ERC2: variants seen among roughly 807,000 people sequenced by gnomAD.
ERC2 encodes the protein ELKS/RAB6-interacting/CAST family member 2.
A neutral mutation model predicts 114.8 loss-of-function variants in ERC2; 42 were observed. The ratio of observed to expected loss-of-function variants is 0.37; its 90% CI spans 0.29 to 0.47. The LOEUF is 0.47. Among genes scored for constraint, ERC2 ranks in the 20% least tolerant of loss-of-function variants. The pLI, the probability that ERC2 is intolerant of heterozygous loss-of-function variation, is 0.99. For synonymous variants in ERC2, 454 were observed against 425.5 expected (o/e 1.07, Z -0.82); for missense variants, 939 against 1,150.7 (o/e 0.82, Z 2.66).
chr3:55,829,417 T>C (rs904507761), intron 14 of ERC2, among the ~76,000 whole-genome samples: 10 of 152,140 alleles, frequency 6.6e-5, no homozygotes, highest in African/African-American at 1.4e-4. Context: ...GTCATGAAAC[T>C]TGAAGACAGA....
At chr3:55,649,260 T>A (rs2060515423) in intron 17 of ERC2, among the ~76,000 whole-genome samples, 1 of 7,892 alleles carries the variant, frequency 1.3e-4, no homozygotes, top group Non-Finnish European at 2.6e-4. Context: ...AACGCTGAAT[T>A]TTTTTTTTTT....
intron 17 of ERC2, among the ~76,000 whole-genome samples, chr3:55,528,846 C>A (rs1047041035): frequency 6.6e-6 from 1 of 152,106 alleles, no homozygotes; most frequent in Non-Finnish European, 1.5e-5. Context: ...AGTTTGATAA[C>A]GAAAAATGTC....
intron 2 of ERC2, among the ~76,000 whole-genome samples, chr3:56,378,626 C>G (rs1157391592): frequency 2.6e-5 from 4 of 151,394 alleles, no homozygotes; most frequent in Non-Finnish European, 4.4e-5. Context: ...AGATTGTGCT[C>G]TAGATTTATA....
At chr3:55,704,378 A>C (rs2063373709) in intron 15 of ERC2, among the ~76,000 whole-genome samples, 1 of 152,258 alleles carries the variant, frequency 6.6e-6, no homozygotes, top group Non-Finnish European at 1.5e-5. Flanking sequence ...AATACGGTTT[A>C]AATAGAAAAA....
At chr3:56,222,954 G>A (rs1010233501) in intron 3 of ERC2, among the ~76,000 whole-genome samples, 31 of 152,294 alleles carry the variant, frequency 2.0e-4, no homozygotes, top group African/African-American at 5.5e-4. Context: ...CGTTGGCTTC[G>A]TATTGAGACC....
chr3:56,361,459 G>T (rs1423323513), intron 2 of ERC2, among the ~76,000 whole-genome samples: 2 of 151,958 alleles, frequency 1.3e-5, no homozygotes, highest in Admixed American at 1.3e-4. Context: ...AAAAGCGAGA[G>T]AAAATTTCAA....
intron 3 of ERC2, among the ~76,000 whole-genome samples, chr3:56,249,357 GCT>G (rs931419361): frequency 6.6e-6 from 1 of 151,372 alleles, no homozygotes; most frequent in Non-Finnish European, 1.5e-5. Flanking sequence ...ACAGAGTCTC[GCT>G]CTGTCATCCA....
intron 2 of ERC2, among the ~76,000 whole-genome samples, chr3:56,416,838 C>A (rs575219968): frequency 6.6e-6 from 1 of 152,236 alleles, no homozygotes; most frequent in South Asian, 2.1e-4. Context: ...GCACATGGTT[C>A]CATGTTTATT....
At chr3:55,863,809 A>G (rs914893643) in intron 14 of ERC2, among the ~76,000 whole-genome samples, 1 of 152,048 alleles carries the variant, frequency 6.6e-6, no homozygotes, top group Non-Finnish European at 1.5e-5. Flanking sequence ...GATGCTTTCT[A>G]TTCTTTTTTC....
intron 17 of ERC2, among the ~76,000 whole-genome samples, chr3:55,551,000 A>AGT: frequency 1.3e-5 from 2 of 150,374 alleles, no homozygotes; most frequent in East Asian, 3.9e-4. Flanking sequence ...TGGGTGACAA[A>AGT]GCAAGACTCC....
At chr3:56,251,274 A>G (rs1000053885) in intron 3 of ERC2, among the ~76,000 whole-genome samples, 1 of 152,236 alleles carries the variant, frequency 6.6e-6, no homozygotes, top group African/African-American at 2.4e-5. Flanking sequence ...AAAATGCAAA[A>G]AAGTAAGACA....
At chr3:55,956,812 A>G (rs1335443534) in intron 12 of ERC2, among the ~76,000 whole-genome samples, 1 of 152,184 alleles carries the variant, frequency 6.6e-6, no homozygotes, top group African/African-American at 2.4e-5. Context: ...AGGATGCCCA[A>G]GCCCACATCC....
At chr3:55,898,927 A>C (rs1047319951) in intron 13 of ERC2, among the ~76,000 whole-genome samples, 1 of 152,210 alleles carries the variant, frequency 6.6e-6, no homozygotes, top group African/African-American at 2.4e-5. Flanking sequence ...CGCACAGTAG[A>C]TCTTCCTGCA....
chr3:55,838,882 T>A (rs1424617073), intron 14 of ERC2, among the ~76,000 whole-genome samples: 2 of 151,528 alleles, frequency 1.3e-5, no homozygotes, highest in Non-Finnish European at 3.0e-5. Flanking sequence ...AAAAGCTCAC[T>A]CAAAAAGAAA....
chr3:55,915,679 T>C (rs1303499290), intron 13 of ERC2, among the ~76,000 whole-genome samples: 1 of 152,126 alleles, frequency 6.6e-6, no homozygotes, highest in South Asian at 2.1e-4. Context: ...GGCTGAAGGA[T>C]TGGAAGCAAG....
intron 7 of ERC2, among the ~76,000 whole-genome samples, chr3:56,044,686 A>G (rs1214788830): frequency 6.6e-6 from 1 of 152,132 alleles, no homozygotes; most frequent in African/African-American, 2.4e-5. Flanking sequence ...TCTTAAGAAG[A>G]GATAGCATTT....
chr3:55,624,374 TCGCCA>T (rs2059431308), intron 17 of ERC2, among the ~76,000 whole-genome samples: 1 of 152,148 alleles, frequency 6.6e-6, no homozygotes, highest in Admixed American at 6.5e-5. Context: ...TGACAATGTG[TCGCCA>T]CGGGAGGGAC....
At chr3:56,374,477 C>T (rs1311969184) in intron 2 of ERC2, among the ~76,000 whole-genome samples, 2 of 152,198 alleles carry the variant, frequency 1.3e-5, no homozygotes, top group Non-Finnish European at 2.9e-5. Context: ...TTGTGATGTA[C>T]TTACTCTATG....
intron 17 of ERC2, among the ~76,000 whole-genome samples, chr3:55,527,547 G>C (rs182366430): frequency 6.6e-6 from 1 of 152,052 alleles, no homozygotes; most frequent in African/African-American, 2.4e-5. Flanking sequence ...TGTGACATAG[G>C]GCAAGGGTTG....
Sources: allele counts gnomAD v4.1 joint callset (sites outside exome capture counted in the v4.1 genomes callset), GRCh38; gene constraint gnomAD v4.1.1; transcripts MANE v1.5; gene names NCBI Gene and HGNC (gene_info 2026-07-23, HGNC 2026-07-21).